The following MECR variants were observed in gnomAD, a reference collection of about 807,000 sequenced individuals.
MECR encodes enoyl-[acyl-carrier-protein] reductase, mitochondrial.
MECR carries 37 observed loss-of-function variants against 49.1 expected under a neutral mutation model. The observed-to-expected ratio is 0.75, with a 90% confidence interval of 0.58 to 0.99. The LOEUF is 0.99. Among genes scored for constraint, MECR ranks in the 50% least tolerant of loss-of-function variants. The pLI, the probability that MECR is intolerant of heterozygous loss-of-function variation, is 0.00. For synonymous variants in MECR, 198 were observed against 191.1 expected, an observed-to-expected ratio of 1.04 and a Z score of -0.30; for missense variants, 470 against 479.6, an observed-to-expected ratio of 0.98 and a Z score of 0.19.
intron 3 of MECR, among the ~76,000 whole-genome samples, chr1:29,211,771 A>G (rs1678076341): frequency 6.6e-6 from 1 of 152,118 alleles, no homozygotes; most frequent in African/African-American, 2.4e-5. Flanking sequence ...GGTTTTGCAT[A>G]TTTCCCAAGG....
rs755295690 is a variant in MECR at position 29,230,871 on chromosome 1, G to C, written c.36C>G (p.Thr12=). The C allele has an allele frequency of 1.0e-5, 16 of 1,607,442 alleles. No individual in the cohort carries two copies. Among genetic ancestry groups the C allele is most frequent in the East Asian group, 6.7e-5 (3 of 44,814 alleles). ...WVCSTLWRVR[T]PARQWRGLLP... Reference sequence around the variant, plus strand: ...GCAGCCCCCGCCACTGCCGGGCGGGGGTTCGCACCCGCCACAGGGTACTGC... The same window carrying C: ...GCAGCCCCCGCCACTGCCGGGCGGGCGTTCGCACCCGCCACAGGGTACTGC... The change falls in exon 1 of 10, where the codon ACC becomes ACG. Residue 12 remains threonine (T), a synonymous_variant. Coordinates refer to ENST00000263702, the MANE Select transcript of MECR (RefSeq NM_016011.5).
At chr1:29,183,016 C>T in the MECR span, among the ~76,000 whole-genome samples, 1 of 152,178 alleles carries the variant, frequency 6.6e-6, no homozygotes, top group African/African-American at 2.4e-5. Flanking sequence ...TACCTAGAAC[C>T]ATAAAGGGTT....
At chr1:29,216,245 T>C (rs1048046455) in intron 2 of MECR, 109 bp from the exon 3 acceptor site, 22 of 1,319,006 alleles carry the variant, frequency 1.7e-5, no homozygotes, top group Non-Finnish European at 2.3e-5. Context: ...CTTTGGACTG[T>C]CTGCCTAACC....
rs1049500482 is a variant in MECR at position 29,230,879 on chromosome 1, C to A, written c.28G>T (p.Val10Leu). 7 of 1,608,752 alleles carry A rather than the reference C, an allele frequency of 4.4e-6. No individual in the cohort carries two copies. Among genetic ancestry groups the A allele is most frequent in the African/African-American group, 1.3e-5 (1 of 74,820 alleles). MWVCSTLWR[V>L]RTPARQWRGL... ...CGCCACTGCCGGGCGGGGGTTCGCA[C>A]CCGCCACAGGGTACTGCAGACCCAC... The change falls in exon 1 of 10, where the codon GTG becomes TTG. Residue 10 changes from valine to leucine, a missense_variant. Coordinates refer to ENST00000263702, the MANE Select transcript of MECR (RefSeq NM_016011.5).
At chr1:29,189,148 C>A (rs1275653967), downstream of MECR, among the ~76,000 whole-genome samples, 3 of 151,932 alleles carry the variant, frequency 2.0e-5, no homozygotes, top group African/African-American at 7.3e-5. Context: ...CCATGTTGGC[C>A]AGGGTGGTCT....
chr1:29,202,101 C>T, intron 5 of MECR, 56 bp from the exon 6 acceptor site: 1 of 1,435,478 alleles, frequency 7.0e-7, no homozygotes, highest in South Asian at 1.2e-5. Context: ...CACCAAAGCC[C>T]CCCAGGACCT....
At chr1:29,212,940 T>C (rs1338910311) in intron 3 of MECR, among the ~76,000 whole-genome samples, 1 of 152,092 alleles carries the variant, frequency 6.6e-6, no homozygotes, top group Non-Finnish European at 1.5e-5. Flanking sequence ...TCACTTACGT[T>C]CACACACGCT....
At chr1:29,208,290 C>A (rs574027091) in intron 3 of MECR, among the ~76,000 whole-genome samples, 12 of 152,360 alleles carry the variant, frequency 7.9e-5, no homozygotes, top group African/African-American at 2.6e-4. Flanking sequence ...CTGCGCCCGG[C>A]CTGACTCAGG....
At chr1:29,180,825 C>T in the MECR span, among the ~76,000 whole-genome samples, 1 of 152,180 alleles carries the variant, frequency 6.6e-6, no homozygotes, top group African/African-American at 2.4e-5. Flanking sequence ...ATTAAGAATA[C>T]AAGTAATAGA....
At chr1:29,219,063 A>T (rs1332833287) in intron 1 of MECR, among the ~76,000 whole-genome samples, 1 of 152,118 alleles carries the variant, frequency 6.6e-6, no homozygotes, top group Non-Finnish European at 1.5e-5. Context: ...CACCAAGCAG[A>T]GGGCAGTGAA....
chr1:29,180,600 TAG>T, the MECR span, among the ~76,000 whole-genome samples: 4 of 152,122 alleles, frequency 2.6e-5, no homozygotes, highest in African/African-American at 4.8e-5. Context: ...TGTTGCAAAG[TAG>T]AGTTTCTTTT....
Position 29,201,648 on chromosome 1 carries a change from C to CT in MECR, c.756+294dup, listed in dbSNP as rs1675344946. ...TGTCTCTGTTTCCTCAGGTCCTCTC[C>CT]TGCCAGTTCTAAGAGTCACACATGT... On this transcript the variant is annotated intron_variant, in intron 6 of 9. Transcript: ENST00000263702. This position sits in a 1 kb window ranked among gnomAD's most constrained non-coding sequence, Gnocchi z 4.3. 2 of 518,786 alleles carry CT rather than the reference C, an allele frequency of 3.9e-6. No homozygotes were observed. Among genetic ancestry groups the CT allele is most frequent in the Admixed American group, 6.3e-5 (2 of 31,824 alleles). 32.1% of individuals were successfully genotyped at this position (518,786 alleles called of 1,614,324 possible).
intron 7 of MECR, 27 bp from the exon 8 acceptor site, chr1:29,196,285 TG>T: frequency 6.3e-7 from 1 of 1,596,170 alleles, no homozygotes; most frequent in Non-Finnish European, 8.6e-7. Context: ...GAACAAAGAG[TG>T]GATGCAAGGC....
intron 3 of MECR, among the ~76,000 whole-genome samples, chr1:29,207,798 G>A (rs1178037583): frequency 6.6e-6 from 1 of 152,036 alleles, no homozygotes; most frequent in African/African-American, 2.4e-5. Context: ...ACCATTGTAA[G>A]GGCGATTCAG....
At chr1:29,172,496 T>C in the MECR span, 2 of 152,160 alleles carry the variant, frequency 1.3e-5, no homozygotes, top group African/African-American at 4.8e-5. Context: ...CTCATCATGT[T>C]GGTCAGGCTG....
At chr1:29,188,115 A>G (rs1673065280), downstream of MECR, among the ~76,000 whole-genome samples, 1 of 149,480 alleles carries the variant, frequency 6.7e-6, no homozygotes. Flanking sequence ...GGGTTTCACC[A>G]TGTTGGCCAG....
At chr1:29,209,813 G>A (rs1231679261) in intron 3 of MECR, among the ~76,000 whole-genome samples, 1 of 152,092 alleles carries the variant, frequency 6.6e-6, no homozygotes, top group Non-Finnish European at 1.5e-5. Flanking sequence ...GCAGCTCGGG[G>A]CCCTTGGCCT....
At chr1:29,178,043 G>A in the MECR span, among the ~76,000 whole-genome samples, 1 of 151,608 alleles carries the variant, frequency 6.6e-6, no homozygotes, top group Admixed American at 6.6e-5. Flanking sequence ...GGGATTACAG[G>A]TGCCCACCAC....
downstream of MECR, among the ~76,000 whole-genome samples, chr1:29,189,693 C>G (rs1673086294): frequency 6.6e-6 from 1 of 152,084 alleles, no homozygotes; most frequent in African/African-American, 2.4e-5. Context: ...ACCTGAAATT[C>G]AGAACCTGGG....
Sources: allele counts gnomAD v4.1 joint callset (sites outside exome capture counted in the v4.1 genomes callset), GRCh38; gene constraint gnomAD v4.1.1; non-coding constraint Gnocchi (gnomAD v3.1); transcripts MANE v1.5; gene names NCBI Gene and HGNC (gene_info 2026-07-23, HGNC 2026-07-21).